The following DAD1 variants were observed in gnomAD, a reference collection of about 807,000 sequenced individuals.
The protein encoded by DAD1 is dolichyl-diphosphooligosaccharide--protein glycosyltransferase subunit DAD1.
A neutral mutation model predicts 9.0 loss-of-function variants in DAD1; 4 were observed. The observed-to-expected ratio is 0.44, with a 90% CI of 0.22 to 1.01. DAD1 has a LOEUF of 1.01. Among genes scored for constraint, DAD1 ranks in the 50% least tolerant of loss-of-function variants. DAD1 has a pLI of 0.24. For synonymous variants in DAD1, 60 were observed against 62.5 expected (o/e 0.96, Z 0.19); for missense variants, 119 against 137.3 (o/e 0.87, Z 0.67).
chr14:22,579,934 G>T (rs773608720), intron 1 of DAD1, among the ~76,000 whole-genome samples: 6 of 147,688 alleles, frequency 4.1e-5, no homozygotes, highest in Non-Finnish European at 7.4e-5. Flanking sequence ...CGACCTCCTG[G>T]GCTCAAACAA....
intron 1 of DAD1, among the ~76,000 whole-genome samples, chr14:22,583,601 T>C (rs944106321): frequency 8.5e-5 from 13 of 152,166 alleles, no homozygotes; most frequent in African/African-American, 3.1e-4. Context: ...GAAGATTATC[T>C]GTGGTCAAAC....
At chr14:22,571,625 CTTTTTTTT>C (rs869205395) in intron 2 of DAD1, among the ~76,000 whole-genome samples, 1 of 109,828 alleles carries the variant, frequency 9.1e-6, no homozygotes, top group Non-Finnish European at 1.8e-5. Flanking sequence ...GCAAGGGGCT[CTTTTTTTT>C]TTTTTTTTTT....
intron 1 of DAD1, among the ~76,000 whole-genome samples, chr14:22,581,793 T>C (rs1429027852): frequency 1.5e-5 from 2 of 132,756 alleles, no homozygotes; most frequent in African/African-American, 2.9e-5. Context: ...AACAAGACTA[T>C]AGTGATCAAG....
intron 1 of DAD1, among the ~76,000 whole-genome samples, chr14:22,577,157 G>A (rs1436338799): frequency 6.6e-6 from 1 of 152,192 alleles, no homozygotes; most frequent in East Asian, 1.9e-4. Flanking sequence ...ATCTCGGCCA[G>A]GCACAGTGGT....
intron 2 of DAD1, 79 bp from the exon 3 acceptor site, chr14:22,565,216 C>A: frequency 1.4e-6 from 1 of 690,732 alleles, no homozygotes. Flanking sequence ...TAAATTCTAA[C>A]CCACAAGACA....
At chr14:22,579,284 AATT>A (rs1360147051) in intron 1 of DAD1, among the ~76,000 whole-genome samples, 6 of 152,224 alleles carry the variant, frequency 3.9e-5, no homozygotes, top group African/African-American at 1.4e-4. Flanking sequence ...GCCTGTGATA[AATT>A]ATTACATTGC....
At position 22,573,566 on chromosome 14, in the gene DAD1, C is replaced by G. The variant is rs1009885816; in HGVS notation, c.*44+1493G>C. 7.2e-5 allele frequency among the ~76,000 whole-genome samples: 11 copies of G among 151,770 alleles called. No homozygotes were observed. In the East Asian group the frequency reaches 1.9e-3, roughly 27 times the overall value. On this transcript the variant is annotated intron_variant, in intron 2 of 2. Transcript: ENST00000250498. ...TCTACTAAAAATACAAAAAATTAGC[C>G]GGGCGTGGTGGCGGGCGCCTGTAGT...
At chr14:22,583,961 C>T (rs2037135234) in intron 1 of DAD1, among the ~76,000 whole-genome samples, 1 of 151,982 alleles carries the variant, frequency 6.6e-6, no homozygotes, top group Non-Finnish European at 1.5e-5. Flanking sequence ...TTTATGAAGC[C>T]TACTTTAGGA....
chr14:22,576,564 T>C (rs5742788), intron 1 of DAD1, among the ~76,000 whole-genome samples: 1 of 152,178 alleles, frequency 6.6e-6, no homozygotes, highest in Non-Finnish European at 1.5e-5. Flanking sequence ...GATTTAGCAA[T>C]GATTTATTGG....
intron 1 of DAD1, among the ~76,000 whole-genome samples, chr14:22,577,745 A>C (rs950566471): frequency 6.6e-6 from 1 of 152,180 alleles, no homozygotes; most frequent in Admixed American, 6.5e-5. Context: ...CTAGAAACAG[A>C]AAGTGGAATG....
In DAD1 at chr14:22,575,290, C is replaced by T. The variant is rs903200796; in HGVS notation, c.212-57G>A. Reference sequence around the variant, plus strand: ...TATATAGAAGTATAAAATAAATATGCTAATGAACACAGACATACCCGAGGA... The same window carrying T: ...TATATAGAAGTATAAAATAAATATGTTAATGAACACAGACATACCCGAGGA... On this transcript the variant is annotated intron_variant, in intron 1 of 2. Coordinates refer to ENST00000250498, the MANE Select transcript of DAD1 (RefSeq NM_001344.4). 24 of 1,578,712 alleles carry T rather than the reference C, an allele frequency of 1.5e-5. No homozygotes were observed. In the East Asian group the frequency reaches 5.6e-4, roughly 37 times the overall value.
intron 2 of DAD1, among the ~76,000 whole-genome samples, chr14:22,566,122 C>T (rs1225174829): frequency 6.6e-6 from 1 of 152,186 alleles, no homozygotes; most frequent in Non-Finnish European, 1.5e-5. Flanking sequence ...ATTTCACTAA[C>T]ACTGGTATTT....
intron 2 of DAD1, among the ~76,000 whole-genome samples, chr14:22,571,625 CTTTTTTTTTT>C (rs869205395): frequency 9.1e-6 from 1 of 109,828 alleles, no homozygotes; most frequent in African/African-American, 3.3e-5. Context: ...GCAAGGGGCT[CTTTTTTTTTT>C]TTTTTTTTTT....
chr14:22,573,269 C>G (rs1400164384), intron 2 of DAD1, among the ~76,000 whole-genome samples: 2 of 152,016 alleles, frequency 1.3e-5, no homozygotes, highest in Middle Eastern at 3.4e-3. Flanking sequence ...ACCTCGCCTT[C>G]CGAAAGTGCT....
At chr14:22,571,106 G>A (rs1193788045) in intron 2 of DAD1, among the ~76,000 whole-genome samples, 1 of 151,122 alleles carries the variant, frequency 6.6e-6, no homozygotes, top group Non-Finnish European at 1.5e-5. Flanking sequence ...AGTGGATCAC[G>A]AGGACAGGAG....
chr14:22,589,220 G>A lies in DAD1; in HGVS notation c.-63C>T. On this transcript the variant is annotated 5_prime_UTR_variant, in exon 1 of 3. Transcript: ENST00000250498. ...CTTGGAGGACCCGTCGACCACACCGGATGTGCTGTTTGCGCATGCGCACCC... is the reference window on the plus strand; with the variant it reads ...CTTGGAGGACCCGTCGACCACACCGAATGTGCTGTTTGCGCATGCGCACCC... 6.4e-7 allele frequency: 1 copy of A among 1,561,768 alleles called. No homozygotes were observed. Among genetic ancestry groups the A allele is most frequent in the Non-Finnish European group, 8.8e-7 (1 of 1,137,478 alleles).
At chr14:22,587,631 C>T (rs1193724980) in intron 1 of DAD1, among the ~76,000 whole-genome samples, 2 of 152,206 alleles carry the variant, frequency 1.3e-5, no homozygotes, top group Non-Finnish European at 2.9e-5. Flanking sequence ...ATTAGATCCT[C>T]AGACCTGTTT....
intron 1 of DAD1, among the ~76,000 whole-genome samples, chr14:22,577,653 A>T (rs2037087123): frequency 6.6e-6 from 1 of 152,238 alleles, no homozygotes; most frequent in South Asian, 2.1e-4. Flanking sequence ...TCTTGAGGAC[A>T]TTATTTTAAG....
chr14:22,578,186 G>T (rs1456247171), intron 1 of DAD1, among the ~76,000 whole-genome samples: 2 of 151,792 alleles, frequency 1.3e-5, no homozygotes, highest in Non-Finnish European at 2.9e-5. Context: ...GGTGGAGGTG[G>T]AGGTGGAGGT....
Sources: gnomAD v4.1 joint callset for allele counts (sites outside exome capture counted in the v4.1 genomes callset) on GRCh38, gnomAD v4.1.1 for gene constraint, MANE v1.5 for transcripts, NCBI Gene and HGNC (gene_info 2026-07-23, HGNC 2026-07-21) for gene names.